Variants in SGCD observed in about 807,000 individuals in gnomAD.
SGCD encodes sarcoglycan delta.
A neutral mutation model predicts 36.6 loss-of-function variants in SGCD; 18 were observed. The observed-to-expected ratio is 0.49, with a 90% CI of 0.34 to 0.73. SGCD has a LOEUF of 0.73. Among genes scored for constraint, SGCD ranks in the 30% least tolerant of loss-of-function variants. The pLI is 0.01. For synonymous variants in SGCD, 133 were observed against 130.6 expected, an observed-to-expected ratio of 1.02 and a Z score of -0.12; for missense variants, 387 against 346.7, an observed-to-expected ratio of 1.12 and a Z score of -0.92.
At chr5:156,508,116 T>C (rs2127874410) in intron 3 of SGCD, among the ~76,000 whole-genome samples, 1 of 152,300 alleles carries the variant, frequency 6.6e-6, no homozygotes, top group East Asian at 1.9e-4. Flanking sequence ...CGTAACAAAA[T>C]ATTTTTAAAA....
chr5:156,652,469 C>T (rs553124728), intron 7 of SGCD, among the ~76,000 whole-genome samples: 1 of 152,196 alleles, frequency 6.6e-6, no homozygotes, highest in Non-Finnish European at 1.5e-5. Flanking sequence ...AGCCTGGTGG[C>T]AGAGCAGGAC....
chr5:156,340,914 T>C (rs1187812761), intron 2 of SGCD, among the ~76,000 whole-genome samples: 1 of 152,224 alleles, frequency 6.6e-6, no homozygotes, highest in Non-Finnish European at 1.5e-5. Flanking sequence ...CATGCAGGAT[T>C]CTTTATAACA....
Position 156,733,807 on chromosome 5 carries a change from C to T in SGCD, c.576-23774C>T, listed in dbSNP as rs1287962958. Among the ~76,000 whole-genome samples, 7 of 152,136 alleles carry T rather than the reference C, an allele frequency of 4.6e-5. No individual in the cohort carries two copies. The East Asian group carries it at 1.4e-3, about 29-fold the overall frequency. On this transcript the variant is annotated intron_variant, in intron 7 of 8. Coordinates refer to ENST00000337851, the MANE Select transcript of SGCD (RefSeq NM_000337.6). ...TTTTGGCAGAAACTAAGATTACAAC[C>T]CCTGCTTTTTAATGTTTTCCATTTC...
chr5:156,277,897 C>G (rs1177651665), intron 3 of SGCD, among the ~76,000 whole-genome samples: 1 of 152,128 alleles, frequency 6.6e-6, no homozygotes, highest in Non-Finnish European at 1.5e-5. Flanking sequence ...CATATGGTCC[C>G]TGATCTCATG....
intron 3 of SGCD, among the ~76,000 whole-genome samples, chr5:156,374,358 C>A (rs113196974): frequency 0.04 from 6,154 of 152,126 alleles, 384 homozygotes; most frequent in African/African-American, 0.14. Context: ...TAACACGTGA[C>A]CAACTATAGC....
chr5:156,633,275 T>A (rs1762703500), intron 6 of SGCD, among the ~76,000 whole-genome samples: 1 of 152,176 alleles, frequency 6.6e-6, no homozygotes, highest in Admixed American at 6.5e-5. Flanking sequence ...CAAGCTAGAA[T>A]CTGATTGGTC....
At chr5:155,746,187 G>A in the SGCD span, among the ~76,000 whole-genome samples, 2 of 152,152 alleles carry the variant, frequency 1.3e-5, no homozygotes, top group Non-Finnish European at 2.9e-5. Flanking sequence ...ACCTAAAGAT[G>A]AACATTAGGA....
chr5:155,810,490 CCA>C, the SGCD span, among the ~76,000 whole-genome samples: 1 of 151,320 alleles, frequency 6.6e-6, no homozygotes, highest in African/African-American at 2.5e-5. Context: ...ACTACAGTTA[CCA>C]TATTTATTTA....
chr5:155,802,498 T>C, the SGCD span, among the ~76,000 whole-genome samples: 2 of 152,196 alleles, frequency 1.3e-5, no homozygotes, highest in African/African-American at 2.4e-5. Flanking sequence ...CTTATCTTTA[T>C]AGCTGGCAAA....
chr5:156,092,021 T>C (rs1188904301), intron 1 of SGCD, among the ~76,000 whole-genome samples: 1 of 152,354 alleles, frequency 6.6e-6, no homozygotes, highest in Middle Eastern at 3.4e-3. Flanking sequence ...AGAGCATGCA[T>C]GGCTTCTGGG....
At chr5:156,528,315 C>G (rs1036041732) in intron 4 of SGCD, among the ~76,000 whole-genome samples, 26 of 152,214 alleles carry the variant, frequency 1.7e-4, no homozygotes, top group Admixed American at 1.4e-3. Flanking sequence ...TTATGTAAAG[C>G]TTATGGAATA....
chr5:156,423,825 C>T (rs1014932084), intron 3 of SGCD, among the ~76,000 whole-genome samples: 4 of 151,928 alleles, frequency 2.6e-5, no homozygotes, highest in Admixed American at 2.0e-4. Flanking sequence ...TGTGCCCTAG[C>T]TTTGTCATCT....
In SGCD at chr5:156,349,549, A is replaced by G. The variant is rs138254455; in HGVS notation, c.192+4872A>G. 1.1e-4 allele frequency among the ~76,000 whole-genome samples: 16 copies of G among 152,256 alleles called. No homozygotes were observed. In the East Asian group the frequency reaches 3.1e-3, roughly 29 times the overall value. ...CAAATTAAAACCACAATGAGATACC[A>G]CCTTACCCAAAGCAGAATGGCTATT... is the stretch of plus-strand genomic sequence containing the variant. On this transcript the variant is annotated intron_variant, in intron 3 of 8. Coordinates refer to ENST00000337851, the MANE Select transcript of SGCD (RefSeq NM_000337.6).
At chr5:156,042,967 T>C (rs948837216) in intron 1 of SGCD, among the ~76,000 whole-genome samples, 54 of 152,284 alleles carry the variant, frequency 3.5e-4, no homozygotes, top group African/African-American at 1.2e-3. Flanking sequence ...ACAAAGGCAA[T>C]TTAGTTTTGG....
chr5:156,627,793 G>C (rs1158369305), intron 6 of SGCD, among the ~76,000 whole-genome samples: 1 of 152,108 alleles, frequency 6.6e-6, no homozygotes, highest in Non-Finnish European at 1.5e-5. Flanking sequence ...CAATGAGTTT[G>C]GAGACCCAGA....
At chr5:156,443,852 G>T (rs558827994) in intron 3 of SGCD, among the ~76,000 whole-genome samples, 49 of 152,220 alleles carry the variant, frequency 3.2e-4, no homozygotes, top group African/African-American at 1.1e-3. Context: ...TGTGGGCAAG[G>T]GACAGGGGAA....
At chr5:156,727,262 A>G (rs575432278) in intron 7 of SGCD, among the ~76,000 whole-genome samples, 2 of 152,200 alleles carry the variant, frequency 1.3e-5, no homozygotes, top group Non-Finnish European at 2.9e-5. Context: ...GAGAAAGACC[A>G]GGTGATCAGA....
chr5:155,801,497 C>A, the SGCD span, among the ~76,000 whole-genome samples: 1 of 152,144 alleles, frequency 6.6e-6, no homozygotes, highest in Admixed American at 6.5e-5. Context: ...CTCTCCAGCC[C>A]TTGCGTAGAA....
At chr5:156,061,000 T>C (rs1369282994) in intron 1 of SGCD, among the ~76,000 whole-genome samples, 1 of 145,166 alleles carries the variant, frequency 6.9e-6, no homozygotes, top group Non-Finnish European at 1.5e-5. Flanking sequence ...TCTCTGTGTC[T>C]GGACTCTCAC....
Sources: allele counts gnomAD v4.1 joint callset (sites outside exome capture counted in the v4.1 genomes callset), GRCh38; gene constraint gnomAD v4.1.1; transcripts MANE v1.5; gene names NCBI Gene and HGNC (gene_info 2026-07-23, HGNC 2026-07-21).